Variants in PACSIN1 observed in about 807,000 individuals in gnomAD.
PACSIN1 encodes protein kinase C and casein kinase substrate in neurons 1, also known as protein kinase C and casein kinase substrate in neurons protein 1.
Under a neutral mutation model 59.5 loss-of-function variants are expected in PACSIN1, and 15 were observed. That is an observed-to-expected ratio of 0.25 (90% confidence interval 0.17 to 0.39). The LOEUF (loss-of-function observed/expected upper bound fraction) is 0.39, where lower values mean the gene tolerates loss of function less well. Among genes scored for constraint, PACSIN1 ranks in the 10% least tolerant of loss-of-function variants. The pLI is 1.00. For synonymous variants in PACSIN1, 210 were observed against 220.6 expected (o/e 0.95, Z 0.42); for missense variants, 420 against 580.2 (o/e 0.72, Z 2.84).
chr6:34,530,664 C>G lies in PACSIN1; in HGVS notation c.1037+77C>G, dbSNP rs1269719294. 7.1e-7 allele frequency: 1 copy of G among 1,403,498 alleles called. No homozygotes were observed. The allele number at this position is 1,403,498 out of a possible 1,614,324, so 86.9% of individuals were successfully genotyped here. A position where few individuals can be genotyped will look rare whatever the true frequency, so the allele number is the denominator to read the frequency against. On this transcript the variant is annotated intron_variant, in intron 8 of 9. Coordinates refer to ENST00000244458, the MANE Select transcript of PACSIN1 (RefSeq NM_020804.5). This position sits in a 1 kb window ranked among gnomAD's most constrained non-coding sequence, Gnocchi z 4.4. ...GGCAGCTGAGTTTTGCTTCAGAAGACAAGAAATGGTCTAGATCATAGCAAC... is the reference window on the plus strand; with the variant it reads ...GGCAGCTGAGTTTTGCTTCAGAAGAGAAGAAATGGTCTAGATCATAGCAAC...
rs1006874433 is a variant in PACSIN1, at chr6:34,490,473, T to C, written c.-64+24203T>C. Among the ~76,000 whole-genome samples, 10 of 152,240 alleles carry C rather than the reference T, an allele frequency of 6.6e-5. No individual in the cohort carries two copies. The East Asian group carries it at 1.2e-3, about 18-fold the overall frequency. On this transcript the variant is annotated intron_variant, in intron 1 of 9. Transcript: ENST00000244458. ...AACCATTTCCATGGCTTGGCGGGTC[T>C]GGCAGCTCTGACCCAGCTGCTAGCG... is the stretch of plus-strand genomic sequence containing the variant.
At chr6:34,501,592 A>AT (rs928178030) in intron 1 of PACSIN1, among the ~76,000 whole-genome samples, 1 of 151,982 alleles carries the variant, frequency 6.6e-6, no homozygotes, top group Non-Finnish European at 1.5e-5. Flanking sequence ...TGTCTTTAGC[A>AT]TTTTTTTTGA....
rs1561966955 is a variant in PACSIN1, at chr6:34,515,853, G to A, written c.-63-10390G>A. On this transcript the variant is annotated intron_variant, in intron 1 of 9. Transcript: ENST00000244458. The surrounding 1 kb of genome is among the most constrained non-coding windows in gnomAD (Gnocchi z 4.4). Reference sequence around the variant, plus strand: ...CTCGCTGCTGCTGGGGGAGCTCTTGGGCACTGCCACTGCGGAGGAGCCTCT... The same window carrying A: ...CTCGCTGCTGCTGGGGGAGCTCTTGAGCACTGCCACTGCGGAGGAGCCTCT... Among the ~76,000 whole-genome samples the A allele has an allele frequency of 6.6e-6, 1 of 152,118 alleles. No homozygotes were observed. The highest frequency in any genetic ancestry group is 1.5e-5 in the Non-Finnish European group (1 of 68,020).
chr6:34,505,616 T>C (rs1488590832), intron 1 of PACSIN1, among the ~76,000 whole-genome samples: 3 of 144,280 alleles, frequency 2.1e-5, no homozygotes, highest in African/African-American at 7.7e-5. Flanking sequence ...CTTTTTTTTA[T>C]CTCTTACCTC....
chr6:34,485,715 G>A (rs192746909), intron 1 of PACSIN1, among the ~76,000 whole-genome samples: 93 of 152,326 alleles, frequency 6.1e-4, no homozygotes, highest in African/African-American at 1.9e-3. Flanking sequence ...GAAGAGAAGA[G>A]GTCCCAGACC....
chr6:34,466,449 G>A (rs1766497843), intron 1 of PACSIN1, among the ~76,000 whole-genome samples, 179 bp downstream of exon 1: 1 of 152,230 alleles, frequency 6.6e-6, no homozygotes, highest in Non-Finnish European at 1.5e-5. Flanking sequence ...TCAGGGGACG[G>A]AGTTCGCGGG....
intron 1 of PACSIN1, among the ~76,000 whole-genome samples, chr6:34,491,633 C>T (rs1280085921): frequency 3.4e-5 from 5 of 149,052 alleles, no homozygotes; most frequent in East Asian, 3.9e-4. Flanking sequence ...TTTTTTGAGG[C>T]GAAGTTTCGC....
Position 34,531,768 on chromosome 6 carries a change from C to G in PACSIN1, c.1206C>G (p.Asp402Glu), listed in dbSNP as rs1376288018. Residue 402 changes from aspartate to glutamate, a missense_variant, in exon 9 of 10, where the codon GAC (aspartate) becomes GAG (glutamate). Coordinates refer to ENST00000244458, the MANE Select transcript of PACSIN1 (RefSeq NM_020804.5). This position sits in a 1 kb window ranked among gnomAD's most constrained non-coding sequence, Gnocchi z 4.4. ...ALYDYDGQEQDELSFKAGDEL... is the reference protein window; with the variant it reads ...ALYDYDGQEQEELSFKAGDEL... ...ACGACTATGACGGCCAGGAGCAGGA[C>G]GAGCTCAGCTTTAAGGCCGGTAGGA... is the stretch of plus-strand genomic sequence containing the variant. The G allele has an allele frequency of 6.3e-7, 1 of 1,575,684 alleles. No homozygotes were observed. Among genetic ancestry groups the G allele is most frequent in the Non-Finnish European group, 8.6e-7 (1 of 1,158,640 alleles).
chr6:34,473,572 G>A (rs564986612), intron 1 of PACSIN1, among the ~76,000 whole-genome samples: 66 of 152,238 alleles, frequency 4.3e-4, no homozygotes, highest in South Asian at 1.9e-3. Context: ...CAGCCACTGA[G>A]GACAAGAGGG....
In PACSIN1 at chr6:34,530,746, A is replaced by G. The variant is rs927770961; in HGVS notation, c.1037+159A>G. ...CATCACTCTAAAGCAGCCGTCCCCA[A>G]TCTTTTTGGGACCAGGGACCAGTTT... is the stretch of plus-strand genomic sequence containing the variant. On this transcript the variant is annotated intron_variant, in intron 8 of 9. Coordinates refer to ENST00000244458, the MANE Select transcript of PACSIN1 (RefSeq NM_020804.5). This position sits in a 1 kb window ranked among gnomAD's most constrained non-coding sequence, Gnocchi z 4.4. 1.3e-5 allele frequency among the ~76,000 whole-genome samples: 2 copies of G among 152,112 alleles called. No individual in the cohort carries two copies. The highest frequency in any genetic ancestry group is 4.8e-5 in the African/African-American group (2 of 41,414).
chr6:34,474,683 A>C (rs1054856554), intron 1 of PACSIN1, among the ~76,000 whole-genome samples: 1 of 149,536 alleles, frequency 6.7e-6, no homozygotes, highest in African/African-American at 2.5e-5. Flanking sequence ...CCAGCTACTC[A>C]GGAGCCTGAG....
At position 34,488,906 on chromosome 6, in the gene PACSIN1, C is replaced by T. The variant is rs568115628; in HGVS notation, c.-64+22636C>T. Among the ~76,000 whole-genome samples, 9 of 152,176 alleles carry T rather than the reference C, an allele frequency of 5.9e-5. No homozygotes were observed. The East Asian group carries it at 9.7e-4, about 16-fold the overall frequency. On this transcript the variant is annotated intron_variant, in intron 1 of 9. Coordinates refer to ENST00000244458, the MANE Select transcript of PACSIN1 (RefSeq NM_020804.5). The surrounding 1 kb of genome is among the most constrained non-coding windows in gnomAD (Gnocchi z 4.7). ...ATAAAAATTGACTATATTGGCTGTG[C>T]GCAGTGGCTCACACCCGTAATCCTA... is the stretch of plus-strand genomic sequence containing the variant.
In PACSIN1 at chr6:34,491,366, G is replaced by A. The variant is rs1267277714; in HGVS notation, c.-64+25096G>A. The stretch of plus-strand genomic sequence containing the variant: ...TCGGGAGCTCTTGTCCCTGCAGTGC[G>A]GTCCCTTCCCTGCTACCTGCTGGGT... On this transcript the variant is annotated intron_variant, in intron 1 of 9. Coordinates refer to ENST00000244458, the MANE Select transcript of PACSIN1 (RefSeq NM_020804.5). Among the ~76,000 whole-genome samples, 3 of 152,146 alleles carry A rather than the reference G, an allele frequency of 2.0e-5. No homozygotes were observed. The East Asian group carries it at 5.8e-4, about 29-fold the overall frequency.
At position 34,522,873 on chromosome 6, in the gene PACSIN1, G is replaced by T. The variant is rs200878879; in HGVS notation, c.-63-3370G>T. 1.7e-4 allele frequency among the ~76,000 whole-genome samples: 26 copies of T among 152,306 alleles called. No individual in the cohort carries two copies. The East Asian group carries it at 4.8e-3, about 28-fold the overall frequency. ...AGAAGAGCGTCAGCTCCAGAAGAGA[G>T]CAAGAACTCACCTTTCCTCTGCCTT... On this transcript the variant is annotated intron_variant, in intron 1 of 9. Coordinates refer to ENST00000244458, the MANE Select transcript of PACSIN1 (RefSeq NM_020804.5).
rs770741587 is a variant in PACSIN1 at position 34,531,582 on chromosome 6, C to T, written c.1038-18C>T. ...GTACGGGGAGACATTGAAGCTGGCTCCTTCCTCCGCGTCTCAGTGTTAGCA... is the reference window on the plus strand; with the variant it reads ...GTACGGGGAGACATTGAAGCTGGCTTCTTCCTCCGCGTCTCAGTGTTAGCA... On this transcript the variant is annotated intron_variant, in intron 8 of 9. Coordinates refer to ENST00000244458, the MANE Select transcript of PACSIN1 (RefSeq NM_020804.5). This position sits in a 1 kb window ranked among gnomAD's most constrained non-coding sequence, Gnocchi z 4.4. 1 of 1,612,490 alleles carries T rather than the reference C, an allele frequency of 6.2e-7. No homozygotes were observed. Among genetic ancestry groups the T allele is most frequent in the East Asian group, 2.2e-5 (1 of 44,838 alleles).
chr6:34,521,722 T>C lies in PACSIN1; in HGVS notation c.-63-4521T>C, dbSNP rs985449789. 2.0e-5 allele frequency among the ~76,000 whole-genome samples: 3 copies of C among 151,090 alleles called. No homozygotes were observed. The highest frequency in any genetic ancestry group is 1.3e-4 in the Admixed American group (2 of 15,188). ...GTTGCTCCACTACAGGCAACGGCGG[T>C]GGTGGATGGATAGTAAGCGCCGACA... is the stretch of plus-strand genomic sequence containing the variant. On this transcript the variant is annotated intron_variant, in intron 1 of 9. Coordinates refer to ENST00000244458, the MANE Select transcript of PACSIN1 (RefSeq NM_020804.5). The surrounding 1 kb of genome is among the most constrained non-coding windows in gnomAD (Gnocchi z 4.3).
intron 1 of PACSIN1, among the ~76,000 whole-genome samples, chr6:34,491,002 G>A (rs1766868504): frequency 1.3e-5 from 2 of 152,102 alleles, no homozygotes; most frequent in African/African-American, 4.8e-5. Flanking sequence ...CGAGCAGGGG[G>A]AGTGCTCGCC....
At chr6:34,519,552 T>TGAGGAGGG (rs1400096855) in intron 1 of PACSIN1, among the ~76,000 whole-genome samples, 2 of 151,802 alleles carry the variant, frequency 1.3e-5, no homozygotes, top group African/African-American at 2.4e-5. Flanking sequence ...GGGTATTAGC[T>TGAGGAGGG]GAGGAGGGGA....
chr6:34,529,641 C>A lies in PACSIN1; in HGVS notation c.613-25C>A. On this transcript the variant is annotated intron_variant, in intron 5 of 9. Coordinates refer to ENST00000244458, the MANE Select transcript of PACSIN1 (RefSeq NM_020804.5). This position sits in a 1 kb window ranked among gnomAD's most constrained non-coding sequence, Gnocchi z 6.3. ...AGCTGCAGGCCTGGCTAGGTGTCAC[C>A]CTCTCTCCACTCTGGTGCCCACAGA... is the stretch of plus-strand genomic sequence containing the variant. 1 of 1,612,922 alleles carries A rather than the reference C, an allele frequency of 6.2e-7. No homozygotes were observed. The highest frequency in any genetic ancestry group is 8.5e-7 in the Non-Finnish European group (1 of 1,179,090).
Sources: allele counts gnomAD v4.1 joint callset (sites outside exome capture counted in the v4.1 genomes callset), GRCh38; gene constraint gnomAD v4.1.1; non-coding constraint Gnocchi (gnomAD v3.1); transcripts MANE v1.5; gene names NCBI Gene and HGNC (gene_info 2026-07-23, HGNC 2026-07-21).